NRXN1: variants seen among roughly 807,000 people sequenced by gnomAD.
NRXN1 encodes the protein neurexin-1.
In NRXN1, 39 loss-of-function variants were observed where a neutral mutation model predicts 150.9. The observed-to-expected ratio is 0.26, with a 90% CI of 0.20 to 0.34. The LOEUF is 0.34. NRXN1 is among the 10% of genes least tolerant of loss of function. The pLI is 1.00. For missense variants in NRXN1, 1,815 were observed against 1,949.9 expected (o/e 0.93, Z 1.30); for synonymous variants, 924 against 757.0 (o/e 1.22, Z -3.62).
At chr2:50,962,155 T>C (rs868023826) in intron 2 of NRXN1, among the ~76,000 whole-genome samples, 3 of 151,780 alleles carry the variant, frequency 2.0e-5, no homozygotes, top group Admixed American at 6.6e-5. Flanking sequence ...GAGTTTCCCA[T>C]ACTTGCATAA....
chr2:50,241,615 C>A (rs2066006119), intron 17 of NRXN1, among the ~76,000 whole-genome samples: 1 of 151,792 alleles, frequency 6.6e-6, no homozygotes, highest in Admixed American at 6.6e-5. Flanking sequence ...AAAGCTGGCT[C>A]TATCAGACAC....
rs137986771 is a variant in NRXN1, at chr2:50,270,460, G to T, written c.3365-33490C>A. 2.3e-3 allele frequency among the ~76,000 whole-genome samples: 349 copies of T among 152,038 alleles called. 4 individuals are homozygous for T. The highest frequency in any genetic ancestry group is 0.016 in the Admixed American group (241 of 15,256). ...TTGGAGTCCTCTAAACTATGCAAAA[G>T]GATTTAAAATTGGAGATCTTTACTA... On this transcript the variant is annotated intron_variant, in intron 17 of 22. Transcript: ENST00000401669.
chr2:50,712,099 G>T (rs1008779090), intron 5 of NRXN1, among the ~76,000 whole-genome samples: 2 of 151,976 alleles, frequency 1.3e-5, no homozygotes, highest in Non-Finnish European at 2.9e-5. Context: ...CTTACATCTA[G>T]ACACATGCTA....
chr2:50,445,549 T>G (rs2086326304), intron 17 of NRXN1, among the ~76,000 whole-genome samples: 1 of 152,188 alleles, frequency 6.6e-6, no homozygotes, highest in Non-Finnish European at 1.5e-5. Flanking sequence ...ACCACTCACC[T>G]CAGCAAGACT....
chr2:50,643,065 A>C (rs1684293183), intron 5 of NRXN1, among the ~76,000 whole-genome samples: 1 of 152,020 alleles, frequency 6.6e-6, no homozygotes, highest in Non-Finnish European at 1.5e-5. Context: ...ATAAAAGCTC[A>C]AGATATTCTT....
At chr2:50,671,527 TCATC>T (rs1261062192) in intron 5 of NRXN1, among the ~76,000 whole-genome samples, 1 of 151,722 alleles carries the variant, frequency 6.6e-6, no homozygotes, top group African/African-American at 2.4e-5. Context: ...TATTTAATAT[TCATC>T]CAGTCAGATA....
intron 8 of NRXN1, among the ~76,000 whole-genome samples, chr2:50,591,381 CAGATAGATAGATAGATAGATAGAT>C (rs59774040): frequency 1.6e-4 from 22 of 134,722 alleles, no homozygotes; most frequent in African/African-American, 3.0e-4. Context: ...CACTATATAT[CAGATAGATAGATAGATAGATAGAT>C]AGATAGATAG....
At chr2:50,843,377 A>C (rs1041670699) in intron 5 of NRXN1, among the ~76,000 whole-genome samples, 1 of 152,200 alleles carries the variant, frequency 6.6e-6, no homozygotes, top group African/African-American at 2.4e-5. Flanking sequence ...GTTTAAGTCT[A>C]GTTTTCCTGA....
intron 18 of NRXN1, among the ~76,000 whole-genome samples, chr2:50,112,171 A>G (rs573986123): frequency 6.6e-6 from 1 of 152,184 alleles, no homozygotes; most frequent in East Asian, 1.9e-4. Flanking sequence ...TAGGACTTTA[A>G]CCACCCCCTC....
chr2:50,923,650 C>T (rs997185895), intron 3 of NRXN1: 1 of 158,402 alleles, frequency 6.3e-6, no homozygotes, highest in Non-Finnish European at 1.4e-5. Context: ...AGAAATAAAG[C>T]TATTTCTCTA....
chr2:50,715,330 G>A (rs958078331), intron 5 of NRXN1, among the ~76,000 whole-genome samples: 2 of 152,106 alleles, frequency 1.3e-5, no homozygotes, highest in Non-Finnish European at 2.9e-5. Flanking sequence ...GTATTCTGGT[G>A]CTTTCTAGTT....
intron 9 of NRXN1, among the ~76,000 whole-genome samples, chr2:50,552,078 A>G (rs1218631697): frequency 2.6e-5 from 4 of 152,234 alleles, no homozygotes; most frequent in African/African-American, 9.6e-5. Flanking sequence ...GAAGGGCAGC[A>G]GAGCTTTGCC....
At chr2:50,144,633 T>C (rs976587790) in intron 18 of NRXN1, among the ~76,000 whole-genome samples, 2 of 151,900 alleles carry the variant, frequency 1.3e-5, no homozygotes, top group Non-Finnish European at 2.9e-5. Context: ...GGAATAATTA[T>C]ATATGTATAT....
intron 17 of NRXN1, among the ~76,000 whole-genome samples, chr2:50,326,020 T>C (rs1354720380): frequency 6.6e-6 from 1 of 152,210 alleles, no homozygotes; most frequent in Non-Finnish European, 1.5e-5. Context: ...TTTGAATATA[T>C]TTTTTAAAAA....
At chr2:50,305,684 A>T (rs1384745069) in intron 17 of NRXN1, among the ~76,000 whole-genome samples, 3 of 152,216 alleles carry the variant, frequency 2.0e-5, no homozygotes, top group African/African-American at 7.2e-5. Context: ...CAATTTTATG[A>T]GAAAGTCTAT....
chr2:50,257,787 G>C (rs1434911101), intron 17 of NRXN1, among the ~76,000 whole-genome samples: 2 of 151,796 alleles, frequency 1.3e-5, no homozygotes, highest in African/African-American at 4.8e-5. Flanking sequence ...TGAGAAAAGA[G>C]ACTATCCAAA....
intron 18 of NRXN1, among the ~76,000 whole-genome samples, chr2:50,156,895 C>T (rs943138862): frequency 6.6e-6 from 1 of 151,896 alleles, no homozygotes; most frequent in Non-Finnish European, 1.5e-5. Context: ...AGAAAATGTC[C>T]TTTTGGTTGT....
chr2:50,373,626 AAAAGAAAG>A (rs202127677), intron 17 of NRXN1, among the ~76,000 whole-genome samples: 16,424 of 98,226 alleles, frequency 0.17, 1,948 homozygotes, highest in Middle Eastern at 0.21. Context: ...AGAGAGAAAG[AAAAGAAAG>A]AAAGAAAGAA....
At chr2:50,551,378 C>G (rs1667518499) in intron 9 of NRXN1, 1 of 152,114 alleles carries the variant, frequency 6.6e-6, no homozygotes, top group South Asian at 2.1e-4. Flanking sequence ...ACACAATCTT[C>G]TTGATCTATA....
Sources: gnomAD v4.1 joint callset for allele counts (sites outside exome capture counted in the v4.1 genomes callset) on GRCh38, gnomAD v4.1.1 for gene constraint, MANE v1.5 for transcripts, NCBI Gene and HGNC (gene_info 2026-07-23, HGNC 2026-07-21) for gene names.